SLC2A9: variants seen among roughly 807,000 people sequenced by gnomAD.
The protein encoded by SLC2A9 is solute carrier family 2, facilitated glucose transporter member 9.
Under a neutral mutation model 50.6 loss-of-function variants are expected in SLC2A9, and 39 were observed. The ratio of observed to expected loss-of-function variants is 0.77; its 90% CI spans 0.60 to 1.01. The LOEUF (loss-of-function observed/expected upper bound fraction) is 1.01. SLC2A9 is among the 50% of genes least tolerant of loss of function. SLC2A9 has a pLI of 0.00. For synonymous variants in SLC2A9, 324 were observed against 276.9 expected, an observed-to-expected ratio of 1.17 and a Z score of -1.69; for missense variants, 686 against 677.6, an observed-to-expected ratio of 1.01 and a Z score of -0.14.
At chr4:9,942,192 G>T in intron 5 of SLC2A9, 147 bp from the exon 6 acceptor site, 2 of 936,298 alleles carry the variant, frequency 2.1e-6, no homozygotes, top group Non-Finnish European at 3.4e-6. Flanking sequence ...AAGGAACTGA[G>T]CCAGGCTGGG....
intron 1 of SLC2A9, chr4:10,040,005 C>G (rs1230807430): frequency 6.6e-6 from 1 of 152,564 alleles, no homozygotes; most frequent in Non-Finnish European, 1.5e-5. Context: ...CCACCGGCTC[C>G]CAGCATAGAG....
chr4:9,907,281 G>A (rs1740858030), intron 8 of SLC2A9, among the ~76,000 whole-genome samples: 1 of 152,222 alleles, frequency 6.6e-6, no homozygotes, highest in South Asian at 2.1e-4. Flanking sequence ...GACAACTGAA[G>A]CTCAGAGATG....
At chr4:9,965,970 C>T (rs190794925) in intron 5 of SLC2A9, among the ~76,000 whole-genome samples, 294 of 152,320 alleles carry the variant, frequency 1.9e-3, no homozygotes, top group African/African-American at 6.8e-3. Flanking sequence ...TCTTTTAATA[C>T]TTTGATTATC....
chr4:10,028,484 C>A (rs760837700), intron 1 of SLC2A9, among the ~76,000 whole-genome samples: 1 of 152,170 alleles, frequency 6.6e-6, no homozygotes, highest in Non-Finnish European at 1.5e-5. Context: ...TGAGCTCAGG[C>A]GACTGAGTTA....
chr4:9,857,255 T>G (rs1375404150), intron 10 of SLC2A9, among the ~76,000 whole-genome samples: 1 of 152,052 alleles, frequency 6.6e-6, no homozygotes, highest in African/African-American at 2.4e-5. Flanking sequence ...TCAGTCTAGG[T>G]CTTGGTTTTC....
chr4:10,007,405 T>G (rs1469012791), intron 2 of SLC2A9, among the ~76,000 whole-genome samples: 1 of 152,206 alleles, frequency 6.6e-6, no homozygotes, highest in Non-Finnish European at 1.5e-5. Flanking sequence ...AAATGAAACA[T>G]GATGAAAGAG....
At chr4:9,865,135 C>T (rs902520350) in intron 10 of SLC2A9, among the ~76,000 whole-genome samples, 1 of 152,206 alleles carries the variant, frequency 6.6e-6, no homozygotes, top group African/African-American at 2.4e-5. Flanking sequence ...GTTAGAACAG[C>T]GGTTCATAGC....
At chr4:9,851,546 A>C (rs1729923480) in intron 10 of SLC2A9, among the ~76,000 whole-genome samples, 1 of 152,210 alleles carries the variant, frequency 6.6e-6, no homozygotes, top group African/African-American at 2.4e-5. Context: ...TGACCACACT[A>C]ATTCCCCAGC....
intron 5 of SLC2A9, among the ~76,000 whole-genome samples, chr4:9,963,706 AG>A (rs1372448320): frequency 6.6e-6 from 1 of 152,130 alleles, no homozygotes; most frequent in East Asian, 1.9e-4. Flanking sequence ...GGAGGTTGGG[AG>A]GAAGAAACAG....
intron 2 of SLC2A9, among the ~76,000 whole-genome samples, chr4:10,008,900 G>GTTTTTTT (rs1553911923): frequency 1.5e-5 from 2 of 134,860 alleles, no homozygotes; most frequent in African/African-American, 2.7e-5. Context: ...CTGTGCGGTG[G>GTTTTTTT]TTTTTTTTTT....
At chr4:9,893,157 C>T (rs1737843935) in intron 8 of SLC2A9, among the ~76,000 whole-genome samples, 1 of 152,078 alleles carries the variant, frequency 6.6e-6, no homozygotes, top group Non-Finnish European at 1.5e-5. Flanking sequence ...TGGTAACAGC[C>T]CAGTGTCTCA....
intron 9 of SLC2A9, 136 bp downstream of exon 9, chr4:9,890,474 G>C: frequency 1.2e-6 from 1 of 842,098 alleles, no homozygotes; most frequent in Non-Finnish European, 2.0e-6. Flanking sequence ...CCAGAGATGA[G>C]ATGTCCCCGG....
intron 5 of SLC2A9, among the ~76,000 whole-genome samples, chr4:9,962,590 C>A (rs995716710): frequency 3.3e-5 from 5 of 151,986 alleles, no homozygotes; most frequent in African/African-American, 1.2e-4. Flanking sequence ...GGGGGAGGGA[C>A]AGTAAACAAC....
At chr4:10,004,868 A>G (rs906023662) in intron 2 of SLC2A9, among the ~76,000 whole-genome samples, 10 of 152,254 alleles carry the variant, frequency 6.6e-5, no homozygotes, top group Admixed American at 6.5e-4. Flanking sequence ...TTTGAAGAAA[A>G]CAATCTGCAA....
At chr4:9,995,488 C>G (rs4529048) in intron 3 of SLC2A9, among the ~76,000 whole-genome samples, 1 of 152,026 alleles carries the variant, frequency 6.6e-6, no homozygotes, top group Admixed American at 6.5e-5. Flanking sequence ...GTAAAGGATT[C>G]GGTCATTTCA....
intron 8 of SLC2A9, among the ~76,000 whole-genome samples, chr4:9,897,749 G>A (rs184003643): frequency 6.6e-6 from 1 of 152,146 alleles, no homozygotes; most frequent in East Asian, 1.9e-4. Flanking sequence ...AAGTAGCCAG[G>A]TGTGGTGGTG....
At chr4:9,798,919 C>T (rs770333987), downstream of SLC2A9, 1 of 152,102 alleles carries the variant, frequency 6.6e-6, no homozygotes, top group Non-Finnish European at 1.5e-5. Context: ...GTAGAAGTTG[C>T]CTGGTGTATG....
At chr4:9,900,072 GCTCT>G (rs2109890047) in intron 8 of SLC2A9, among the ~76,000 whole-genome samples, 1 of 152,310 alleles carries the variant, frequency 6.6e-6, no homozygotes, top group African/African-American at 2.4e-5. Context: ...AAAAAAAATA[GCTCT>G]TCAAGGAGCA....
intron 5 of SLC2A9, among the ~76,000 whole-genome samples, chr4:9,947,078 A>G (rs1211492728): frequency 6.6e-6 from 1 of 151,580 alleles, no homozygotes; most frequent in Non-Finnish European, 1.5e-5. Flanking sequence ...CCTCCTTCCT[A>G]CCCCTCTTCC....
Sources: allele counts gnomAD v4.1 joint callset (sites outside exome capture counted in the v4.1 genomes callset), GRCh38; gene constraint gnomAD v4.1.1; transcripts MANE v1.5; gene names NCBI Gene and HGNC (gene_info 2026-07-23, HGNC 2026-07-21).